Variants in MYO9A observed in about 807,000 individuals in gnomAD.
MYO9A encodes the protein myosin IXA.
A neutral mutation model predicts 293.3 loss-of-function variants in MYO9A; 103 were observed. That is an observed-to-expected ratio of 0.35 (90% confidence interval 0.30 to 0.41). The LOEUF is 0.41. Ranked by LOEUF, MYO9A falls within the 10% of genes least tolerant of loss-of-function variation. MYO9A has a pLI of 1.00. For missense variants in MYO9A, 2,685 were observed against 3,033.0 expected (o/e 0.89, Z 2.69); for synonymous variants, 1,001 against 1,035.7 (o/e 0.97, Z 0.64).
intron 19 of MYO9A, among the ~76,000 whole-genome samples, chr15:71,915,400 T>C (rs1195602538): frequency 6.6e-6 from 1 of 152,026 alleles, no homozygotes; most frequent in Non-Finnish European, 1.5e-5. Context: ...ATGAGTTATT[T>C]GGCTCCTTGG....
At chr15:72,097,080 T>A (rs1466614713) in intron 1 of MYO9A, among the ~76,000 whole-genome samples, 1 of 152,224 alleles carries the variant, frequency 6.6e-6, no homozygotes, top group Admixed American at 6.5e-5. Context: ...TGTATAATAT[T>A]ACATCAACAT....
In MYO9A at chr15:71,855,544, G is replaced by A. The variant is rs28578220; in HGVS notation, c.6154-975C>T. On this transcript the variant is annotated intron_variant, in intron 34 of 41. Transcript: ENST00000356056. ...TAATTCACTGAAAAGAAAAATGGCA[G>A]GTATTATCTCTGAGACTGAAAATTG... Among the ~76,000 whole-genome samples the A allele has an allele frequency of 5.6e-3, 859 of 152,232 alleles. 12 individuals are homozygous for A. The highest frequency in any genetic ancestry group is 0.02 in the African/African-American group (814 of 41,520).
At chr15:71,947,784 G>A (rs1246760601) in intron 15 of MYO9A, among the ~76,000 whole-genome samples, 1 of 152,174 alleles carries the variant, frequency 6.6e-6, no homozygotes, top group Non-Finnish European at 1.5e-5. Context: ...TCTTGCTGAT[G>A]CACATCATAT....
chr15:71,884,580 C>A (rs985844438), intron 27 of MYO9A, among the ~76,000 whole-genome samples: 1 of 152,008 alleles, frequency 6.6e-6, no homozygotes, highest in African/African-American at 2.4e-5. Flanking sequence ...AATTCAGAAC[C>A]ACATCTATTA....
chr15:71,847,297 T>C, intron 39 of MYO9A: 2 of 334,198 alleles, frequency 6.0e-6, no homozygotes, highest in Non-Finnish European at 1.3e-5. Context: ...AGAACCTGAC[T>C]TGGGGCCGAA....
At chr15:72,008,041 A>C (rs2077064113) in intron 7 of MYO9A, 89 bp from the exon 8 acceptor site, 2 of 1,440,720 alleles carry the variant, frequency 1.4e-6, no homozygotes, top group South Asian at 2.8e-5. Context: ...AAATTAACCT[A>C]CAAATATGAA....
At chr15:71,940,609 TAAAG>T (rs1278183881) in intron 15 of MYO9A, among the ~76,000 whole-genome samples, 1 of 151,992 alleles carries the variant, frequency 6.6e-6, no homozygotes, top group Non-Finnish European at 1.5e-5. Context: ...TAAAAGAAAA[TAAAG>T]ACTCAACTAA....
chr15:71,894,276 T>C (rs2057260464), intron 25 of MYO9A, among the ~76,000 whole-genome samples: 1 of 152,102 alleles, frequency 6.6e-6, no homozygotes, highest in Non-Finnish European at 1.5e-5. Flanking sequence ...TGTCTTTGAG[T>C]TTTAAAACTT....
intron 27 of MYO9A, among the ~76,000 whole-genome samples, chr15:71,884,959 C>CTT (rs544597176): frequency 8.8e-5 from 12 of 136,650 alleles, no homozygotes; most frequent in East Asian, 2.1e-4. Flanking sequence ...TTCTTTCTTC[C>CTT]TTTTTTTTTT....
chr15:71,978,974 G>A (rs2076209261), intron 11 of MYO9A, among the ~76,000 whole-genome samples: 1 of 151,840 alleles, frequency 6.6e-6, no homozygotes, highest in Admixed American at 6.6e-5. Context: ...AAATGCACCT[G>A]AGAATGTAAA....
chr15:71,827,131 T>C (rs1250752239), intron 41 of MYO9A, 88 bp from the exon 42 acceptor site: 2 of 1,017,028 alleles, frequency 2.0e-6, no homozygotes, highest in African/African-American at 1.6e-5. Context: ...TGTTCACACA[T>C]GAAATTGGGT....
At chr15:71,902,692 T>A (rs2057520128) in intron 22 of MYO9A, among the ~76,000 whole-genome samples, 2 of 152,180 alleles carry the variant, frequency 1.3e-5, no homozygotes, top group Admixed American at 6.5e-5. Context: ...GCAAGCTGGC[T>A]TGGAGATTAC....
intron 11 of MYO9A, among the ~76,000 whole-genome samples, chr15:71,990,684 G>A (rs532712900): frequency 8.6e-5 from 13 of 150,960 alleles, no homozygotes; most frequent in African/African-American, 2.2e-4. Context: ...ATGAACCCGC[G>A]AGGCGGAGCT....
chr15:72,102,067 GA>G (rs1383322337), intron 1 of MYO9A, among the ~76,000 whole-genome samples: 11 of 151,296 alleles, frequency 7.3e-5, no homozygotes, highest in African/African-American at 2.7e-4. Flanking sequence ...GTGGGGAAAA[GA>G]TTGAGAAATC....
Position 72,106,450 on chromosome 15 carries a change from C to CCACTG in MYO9A, c.-72+11225_-72+11229dup, listed in dbSNP as rs1273413860. On this transcript the variant is annotated intron_variant, in intron 1 of 41. Coordinates refer to ENST00000356056, the MANE Select transcript of MYO9A (RefSeq NM_006901.4). ...AAGGCTGCAGTGATGTATGATTGTG[C>CCACTG]CACTGCACTTGCTCTATCACTCCAG... Among the ~76,000 whole-genome samples the CCACTG allele has an allele frequency of 2.0e-5, 3 of 152,290 alleles. No homozygotes were observed. In the East Asian group the frequency reaches 5.8e-4, roughly 29 times the overall value.
Position 71,880,409 on chromosome 15 carries a change from A to G in MYO9A, c.5548T>C (p.Trp1850Arg). 6.2e-7 allele frequency: 1 copy of G among 1,614,216 alleles called. No homozygotes were observed. The highest frequency in any genetic ancestry group is 8.5e-7 in the Non-Finnish European group (1 of 1,180,014). The change falls in exon 29 of 42, where the codon TGG becomes CGG. Residue 1850 changes from tryptophan (W) to arginine (R), a missense_variant. Trp to Arg is a moderately radical substitution (Grantham distance 101, BLOSUM62 -3). Around this residue, in one of 10 missense-constraint regions of MYO9A, gnomAD observed 1,434 missense variants for 1,497.7 expected, o/e 0.96. Transcript: ENST00000356056. ...ISNVALDSMH[W>R]QNDSVQIIAS... ...ATGATCTGGACAGAGTCATTTTGCC[A>G]ATGCATAGAATCCAAAGCCACGTTG...
At chr15:72,116,696 C>A (rs1019909233) in intron 1 of MYO9A, among the ~76,000 whole-genome samples, 2 of 152,138 alleles carry the variant, frequency 1.3e-5, no homozygotes, top group Non-Finnish European at 2.9e-5. Context: ...CTGCAGCAAT[C>A]GACAAGGAGG....
chr15:71,931,707 G>A (rs1312807730), intron 18 of MYO9A, among the ~76,000 whole-genome samples: 1 of 151,618 alleles, frequency 6.6e-6, no homozygotes, highest in East Asian at 1.9e-4. Context: ...TCTCCTTCAG[G>A]TATTTTTTGA....
At chr15:71,848,763 A>G in intron 39 of MYO9A, 82 bp downstream of exon 39, 3 of 1,412,578 alleles carry the variant, frequency 2.1e-6, no homozygotes, top group Non-Finnish European at 1.9e-6. Flanking sequence ...TTCTGATAAT[A>G]ATCCTTGTAT....
Sources: gnomAD v4.1 joint callset for allele counts (sites outside exome capture counted in the v4.1 genomes callset) on GRCh38, gnomAD v4.1.1 for gene constraint, gnomAD v4.1.1 regional missense constraint, MANE v1.5 for transcripts, NCBI Gene and HGNC (gene_info 2026-07-23, HGNC 2026-07-21) for gene names.